The following RBPJ variants were observed in gnomAD, a reference collection of about 807,000 sequenced individuals.
The protein encoded by RBPJ is recombination signal binding protein for immunoglobulin kappa J region.
A neutral mutation model predicts 67.8 loss-of-function variants in RBPJ; 9 were observed. The observed-to-expected ratio is 0.13, with a 90% CI of 0.08 to 0.23. RBPJ has a LOEUF of 0.23. RBPJ is among the 10% of genes least tolerant of loss of function. The probability of loss-of-function intolerance (pLI) is 1.00; values close to 1 mark genes in which losing one functional copy is unlikely to be tolerated. For missense variants in RBPJ, 305 were observed against 595.6 expected (o/e 0.51, Z 5.08); for synonymous variants, 198 against 203.3 (o/e 0.97, Z 0.22).
rs71276617 is a variant in RBPJ, at chr4:26,305,771, C to CTTTTTTTTTTTTTTTTTTTTTTTTTTTTT, written c.-166-56652_-166-56651insTTTTTTTTTTTTTTTTTTTTTTTTTTTTT. Among the ~76,000 whole-genome samples the CTTTTTTTTTTTTTTTTTTTTTTTTTTTTT allele has an allele frequency of 3.0e-5, 2 of 67,758 alleles. 1 individual carries two copies. The highest frequency in any genetic ancestry group is 1.3e-4 in the African/African-American group (2 of 14,972). 44.5% of individuals were successfully genotyped at this position (67,758 alleles called of 152,430 possible). A position where few individuals can be genotyped will look rare whatever the true frequency, so the allele number is the denominator to read the frequency against. On this transcript the variant is annotated intron_variant, in intron 1 of 4. Transcript: ENST00000512351. Reference sequence around the variant, plus strand: ...AGTGGAGTTCTTAGAATTTTCTTTTCTTTTTTTTTTTTTTTTTTTTTTTCT... The same window carrying CTTTTTTTTTTTTTTTTTTTTTTTTTTTTT: ...AGTGGAGTTCTTAGAATTTTCTTTTCTTTTTTTTTTTTTTTTTTTTTTTTTTTTTTTTTTTTTTTTTTTTTTTTTTTTCT...
At chr4:26,394,952 C>G (rs944334971) in intron 2 of RBPJ, among the ~76,000 whole-genome samples, 4 of 152,160 alleles carry the variant, frequency 2.6e-5, no homozygotes, top group African/African-American at 9.7e-5. Flanking sequence ...GTAGTGTTCT[C>G]TCACTAAGAA....
chr4:26,149,465 GTTC>G, the RBPJ span, among the ~76,000 whole-genome samples: 1 of 152,178 alleles, frequency 6.6e-6, no homozygotes, highest in Admixed American at 6.5e-5. Context: ...AGCTGCTATT[GTTC>G]GGATGTATTC....
the RBPJ span, among the ~76,000 whole-genome samples, chr4:26,121,239 G>T: frequency 2.0e-5 from 3 of 152,066 alleles, no homozygotes; most frequent in Admixed American, 6.6e-5. Flanking sequence ...CCAGTGGGCT[G>T]CCCTGCTTTT....
rs552166176 is a variant in RBPJ at position 26,257,459 on chromosome 4, A to G, written c.-167+93845A>G. On this transcript the variant is annotated intron_variant, in intron 1 of 4. Transcript: ENST00000512351. ...AGCCTGACCAACATGGAGAAACCCC[A>G]TCTCTATTAAAAATACAAAATTTGC... 1.4e-4 allele frequency among the ~76,000 whole-genome samples: 22 copies of G among 152,296 alleles called. No homozygotes were observed. The South Asian group carries it at 4.1e-3, about 29-fold the overall frequency.
chr4:26,353,569 AT>A (rs1727025818), intron 1 of RBPJ, among the ~76,000 whole-genome samples: 1 of 151,920 alleles, frequency 6.6e-6, no homozygotes, highest in Non-Finnish European at 1.5e-5. Context: ...AAATATACTA[AT>A]AAATCTTATT....
the RBPJ span, among the ~76,000 whole-genome samples, chr4:26,145,580 T>C: frequency 1.3e-5 from 2 of 152,252 alleles, no homozygotes; most frequent in Non-Finnish European, 2.9e-5. Context: ...GGGACAATTT[T>C]TGTCATTTGG....
chr4:26,269,411 A>C (rs28557289), intron 1 of RBPJ, among the ~76,000 whole-genome samples: 7,997 of 151,842 alleles, frequency 0.053, 730 homozygotes, highest in African/African-American at 0.18. Context: ...ATGCACCACC[A>C]TGCCCAACTA....
the RBPJ span, among the ~76,000 whole-genome samples, chr4:26,148,406 A>G: frequency 6.6e-6 from 1 of 152,210 alleles, no homozygotes; most frequent in Admixed American, 6.5e-5. Flanking sequence ...GGTACTTCAA[A>G]CAAAGGACTA....
chr4:26,392,459 C>G (rs146813742), intron 2 of RBPJ, among the ~76,000 whole-genome samples: 9 of 152,226 alleles, frequency 5.9e-5, no homozygotes, highest in Non-Finnish European at 7.4e-5. Context: ...GTGTATTCTA[C>G]AGTGAATTTC....
In RBPJ at chr4:26,264,898, C is replaced by T. The variant is rs1038956304; in HGVS notation, c.-166-97548C>T. Among the ~76,000 whole-genome samples the T allele has an allele frequency of 1.3e-5, 2 of 152,106 alleles. No homozygotes were observed. The highest frequency in any genetic ancestry group is 2.9e-5 in the Non-Finnish European group (2 of 68,032). Reference sequence around the variant, plus strand: ...GTCTCCTAAACAAACTGACAATAGACAGATTAATAGGAGAAAAGGCATACA... The same window carrying T: ...GTCTCCTAAACAAACTGACAATAGATAGATTAATAGGAGAAAAGGCATACA... On this transcript the variant is annotated intron_variant, in intron 1 of 4. Coordinates refer to the RBPJ transcript ENST00000512351. The surrounding 1 kb of genome is among the most constrained non-coding windows in gnomAD (Gnocchi z 4.1).
upstream of RBPJ, among the ~76,000 whole-genome samples, chr4:26,318,116 AACACACACACACGCACACACAC>A (rs1161149078): frequency 3.3e-5 from 5 of 151,004 alleles, no homozygotes; most frequent in Admixed American, 6.6e-5. Flanking sequence ...GGCAAACACA[AACACACACACACGCACACACAC>A]ACACACACAC....
intron 1 of RBPJ, among the ~76,000 whole-genome samples, chr4:26,270,876 C>T (rs569386534): frequency 1.3e-5 from 2 of 152,196 alleles, no homozygotes; most frequent in African/African-American, 4.8e-5. Flanking sequence ...GCCTCCCCCC[C>T]ACCCTTATCC....
chr4:26,424,793 C>T lies in RBPJ; in HGVS notation c.747+50C>T. ...GATAATGTGAAGTAAAAATTAATTTCTTAAACAGGAAAATCACAACATTCA... is the reference window on the plus strand; with the variant it reads ...GATAATGTGAAGTAAAAATTAATTTTTTAAACAGGAAAATCACAACATTCA... On this transcript the variant is annotated intron_variant, in intron 7 of 10. Transcript: ENST00000355476. This position sits in a 1 kb window ranked among gnomAD's most constrained non-coding sequence, Gnocchi z 5.3. 1 of 1,074,224 alleles carries T rather than the reference C, an allele frequency of 9.3e-7. No individual in the cohort carries two copies. The highest frequency in any genetic ancestry group is 2.4e-5 in the East Asian group (1 of 42,092). The allele number at this position is 1,074,224 out of a possible 1,614,324, so 66.5% of individuals were successfully genotyped here.
intron 1 of RBPJ, among the ~76,000 whole-genome samples, chr4:26,291,558 C>T (rs890431738): frequency 3.3e-5 from 5 of 149,352 alleles, no homozygotes; most frequent in Non-Finnish European, 7.4e-5. Flanking sequence ...AAATGAGTGA[C>T]AAGACAAGCA....
At chr4:26,124,413 A>C in the RBPJ span, among the ~76,000 whole-genome samples, 1 of 70,600 alleles carries the variant, frequency 1.4e-5, no homozygotes, top group Non-Finnish European at 2.5e-5. Flanking sequence ...GTAGTATTCC[A>C]TCATATATAT....
In RBPJ at chr4:26,430,202, A is replaced by G; in HGVS notation, c.1044+149A>G. The G allele has an allele frequency of 9.8e-7, 1 of 1,022,694 alleles. No individual in the cohort carries two copies. The highest frequency in any genetic ancestry group is 1.4e-6 in the Non-Finnish European group (1 of 691,692). The allele number at this position is 1,022,694 out of a possible 1,614,324, so 63.4% of individuals were successfully genotyped here. A position where few individuals can be genotyped will look rare whatever the true frequency, so the allele number is the denominator to read the frequency against. On this transcript the variant is annotated intron_variant, in intron 9 of 10. Coordinates refer to ENST00000355476, the MANE Select transcript of RBPJ (RefSeq NM_015874.6). The surrounding 1 kb of genome is among the most constrained non-coding windows in gnomAD (Gnocchi z 4.1). The stretch of plus-strand genomic sequence containing the variant: ...ATACACCATTTGTTGATTTAAAGAA[A>G]AAAAAACAAAATTAGGAGGAGCGTA...
chr4:26,332,723 C>T (rs1011785883), intron 1 of RBPJ, among the ~76,000 whole-genome samples: 1 of 152,120 alleles, frequency 6.6e-6, no homozygotes, highest in African/African-American at 2.4e-5. Flanking sequence ...CCATCATATC[C>T]CACTGAAGCC....
intron 1 of RBPJ, among the ~76,000 whole-genome samples, chr4:26,179,761 T>G (rs1234894253): frequency 6.6e-6 from 1 of 152,180 alleles, no homozygotes; most frequent in Non-Finnish European, 1.5e-5. Flanking sequence ...AGTTTGGTGA[T>G]TTCTCAAAGG....
chr4:26,109,326 G>A, the RBPJ span, among the ~76,000 whole-genome samples: 1 of 149,040 alleles, frequency 6.7e-6, no homozygotes, highest in Non-Finnish European at 1.5e-5. Flanking sequence ...GGCTGGTCTC[G>A]AACTCCTGAC....
Sources: allele counts gnomAD v4.1 joint callset (sites outside exome capture counted in the v4.1 genomes callset), GRCh38; gene constraint gnomAD v4.1.1; non-coding constraint Gnocchi (gnomAD v3.1); transcripts MANE v1.5; gene names NCBI Gene and HGNC (gene_info 2026-07-23, HGNC 2026-07-21).